Variants in FRMD5 observed in about 807,000 individuals in gnomAD.
The protein encoded by FRMD5 is FERM domain-containing protein 5.
In FRMD5, 20 loss-of-function variants were observed where a neutral mutation model predicts 69.0. That is an observed-to-expected ratio of 0.29 (90% confidence interval 0.20 to 0.42). The LOEUF (loss-of-function observed/expected upper bound fraction) is 0.42. Ranked by LOEUF, FRMD5 falls within the 10% of genes least tolerant of loss-of-function variation. FRMD5 has a pLI of 1.00. For synonymous variants in FRMD5, 271 were observed against 260.1 expected (o/e 1.04, Z -0.40); for missense variants, 595 against 708.6 (o/e 0.84, Z 1.82).
intron 1 of FRMD5, among the ~76,000 whole-genome samples, chr15:44,049,473 T>C (rs1042723704): frequency 2.0e-5 from 3 of 152,210 alleles, no homozygotes; most frequent in Non-Finnish European, 2.9e-5. Context: ...AAAAAGTCAC[T>C]ATAAAAAGCC....
chr15:44,008,406 G>A (rs1890558222), intron 1 of FRMD5, among the ~76,000 whole-genome samples: 1 of 151,820 alleles, frequency 6.6e-6, no homozygotes, highest in Non-Finnish European at 1.5e-5. Flanking sequence ...TGGGACTATA[G>A]TTGTGAGCCA....
intron 1 of FRMD5, chr15:43,989,849 G>T: frequency 9.8e-7 from 1 of 1,019,990 alleles, no homozygotes; most frequent in South Asian, 1.3e-5. Flanking sequence ...TTGGCCTTGG[G>T]GCTCAGGGGG....
At chr15:44,051,723 T>G (rs1341803449) in intron 1 of FRMD5, among the ~76,000 whole-genome samples, 1 of 152,104 alleles carries the variant, frequency 6.6e-6, no homozygotes, top group Middle Eastern at 3.2e-3. Flanking sequence ...ATCTTGACAG[T>G]TTCGAGGAGT....
At chr15:44,039,009 A>C (rs1019919336) in intron 1 of FRMD5, among the ~76,000 whole-genome samples, 49 of 152,172 alleles carry the variant, frequency 3.2e-4, no homozygotes, top group Non-Finnish European at 5.7e-4. Flanking sequence ...GGGGAGGGGC[A>C]TCCACCATTG....
chr15:43,935,256 G>C (rs2089740112), intron 1 of FRMD5, among the ~76,000 whole-genome samples: 1 of 152,200 alleles, frequency 6.6e-6, no homozygotes, highest in Admixed American at 6.5e-5. Flanking sequence ...AAGGAGAGCA[G>C]ATTATCTGAG....
intron 1 of FRMD5, among the ~76,000 whole-genome samples, chr15:44,097,742 G>A (rs1373890579): frequency 6.6e-6 from 1 of 152,150 alleles, no homozygotes; most frequent in Admixed American, 6.5e-5. Flanking sequence ...GGGTACATAG[G>A]ACAAATTATG....
chr15:44,159,300 G>C (rs1007466518), intron 1 of FRMD5, among the ~76,000 whole-genome samples: 1 of 152,128 alleles, frequency 6.6e-6, no homozygotes, highest in African/African-American at 2.4e-5. Context: ...ATCTGTGGAG[G>C]AGACTGAGTG....
At chr15:44,011,021 G>T (rs949032848) in intron 1 of FRMD5, among the ~76,000 whole-genome samples, 1 of 152,104 alleles carries the variant, frequency 6.6e-6, no homozygotes, top group African/African-American at 2.4e-5. Flanking sequence ...TGGAATGCAG[G>T]TGGAAAAGAG....
intron 1 of FRMD5, among the ~76,000 whole-genome samples, chr15:44,106,699 C>T (rs1391678190): frequency 1.3e-5 from 2 of 152,066 alleles, no homozygotes; most frequent in Non-Finnish European, 2.9e-5. Flanking sequence ...CACTTACTGA[C>T]TCCAACTGTA....
intron 1 of FRMD5, among the ~76,000 whole-genome samples, chr15:44,175,690 C>A (rs1233172136): frequency 1.3e-5 from 2 of 151,990 alleles, no homozygotes; most frequent in Admixed American, 1.3e-4. Flanking sequence ...TTATTCATAA[C>A]TGCCAAAAAA....
intron 1 of FRMD5, among the ~76,000 whole-genome samples, chr15:44,000,528 C>T (rs937153824): frequency 2.6e-5 from 4 of 151,296 alleles, no homozygotes; most frequent in East Asian, 1.9e-4. Context: ...GTCACAATCT[C>T]GGCTCACCGC....
chr15:44,063,446 T>C (rs1439694551), intron 1 of FRMD5: 2 of 191,800 alleles, frequency 1.0e-5, no homozygotes, highest in African/African-American at 4.7e-5. Context: ...AAAATTAGGC[T>C]TTCTGCTCCT....
intron 1 of FRMD5, among the ~76,000 whole-genome samples, chr15:44,087,810 A>C (rs937049047): frequency 2.0e-5 from 3 of 151,964 alleles, no homozygotes; most frequent in Non-Finnish European, 4.4e-5. Context: ...AGAAGGAGTA[A>C]ATTGCATTTA....
chr15:43,902,654 C>T (rs746104137), intron 6 of FRMD5, among the ~76,000 whole-genome samples: 6 of 145,150 alleles, frequency 4.1e-5, no homozygotes, highest in Non-Finnish European at 7.4e-5. Context: ...CACAGCCCTA[C>T]ACTCCACCCT....
At position 43,966,809 on chromosome 15, in the gene FRMD5, T is replaced by C. The variant is rs1002223119; in HGVS notation, c.103-42500A>G. Among the ~76,000 whole-genome samples, 10 of 152,312 alleles carry C rather than the reference T, an allele frequency of 6.6e-5. 1 individual carries two copies. Among genetic ancestry groups the C allele is most frequent in the Admixed American group, 4.6e-4 (7 of 15,288 alleles). On this transcript the variant is annotated intron_variant, in intron 1 of 13. Transcript: ENST00000417257. ...GGTTAAGTAAATTAGATTTAATTCC[T>C]TGGGCAATGGTGATTCAGAAATGTT...
chr15:44,140,651 G>C (rs1052547262), intron 1 of FRMD5, among the ~76,000 whole-genome samples: 2 of 152,042 alleles, frequency 1.3e-5, no homozygotes, highest in African/African-American at 4.8e-5. Context: ...GGCCGAGGCA[G>C]GTGGATCACT....
chr15:44,121,152 T>C (rs1393046525), intron 1 of FRMD5, among the ~76,000 whole-genome samples: 1 of 40,958 alleles, frequency 2.4e-5, no homozygotes, highest in South Asian at 1.3e-3. Context: ...GTAGTAATTA[T>C]GTTGATTTTG....
At position 43,873,160 on chromosome 15, in the gene FRMD5, G is replaced by C; in HGVS notation, c.*725C>G. 1 of 1,549,602 alleles carries C rather than the reference G, an allele frequency of 6.5e-7. No homozygotes were observed. Among genetic ancestry groups the C allele is most frequent in the Non-Finnish European group, 8.7e-7 (1 of 1,146,186 alleles). Reference sequence around the variant, plus strand: ...TGCCCACTAGGCTCTAGACTAAGGGGACAGACTTACCCCACCCCTGATGCT... The same window carrying C: ...TGCCCACTAGGCTCTAGACTAAGGGCACAGACTTACCCCACCCCTGATGCT... On this transcript the variant is annotated 3_prime_UTR_variant, in exon 14 of 14. Transcript: ENST00000417257.
At chr15:43,913,317 G>A (rs2089323550) in intron 4 of FRMD5, among the ~76,000 whole-genome samples, 1 of 152,228 alleles carries the variant, frequency 6.6e-6, no homozygotes, top group African/African-American at 2.4e-5. Flanking sequence ...TAGATGGGAA[G>A]AGGGAAAAGG....
Sources: gnomAD v4.1 joint callset for allele counts (sites outside exome capture counted in the v4.1 genomes callset) on GRCh38, gnomAD v4.1.1 for gene constraint, MANE v1.5 for transcripts, NCBI Gene and HGNC (gene_info 2026-07-23, HGNC 2026-07-21) for gene names.